PPP1R9A: variants seen among roughly 807,000 people sequenced by gnomAD.
PPP1R9A encodes the protein protein phosphatase 1 regulatory subunit 9A.
PPP1R9A carries 59 observed loss-of-function variants against 141.9 expected under a neutral mutation model. That is an observed-to-expected ratio of 0.42 (90% CI 0.34 to 0.52). PPP1R9A has a LOEUF of 0.52. Among genes scored for constraint, PPP1R9A ranks in the 20% least tolerant of loss-of-function variants. PPP1R9A has a pLI of 0.10. For missense variants in PPP1R9A, 1,444 were observed against 1,611.9 expected (o/e 0.90, Z 1.78); for synonymous variants, 500 against 569.7 (o/e 0.88, Z 1.74).
chr7:95,068,473 GAA>G (rs36043693), intron 2 of PPP1R9A, among the ~76,000 whole-genome samples: 7 of 94,214 alleles, frequency 7.4e-5, no homozygotes, highest in Admixed American at 1.5e-4. Flanking sequence ...CTTGTCTCAA[GAA>G]AAAAAAAAAA....
At chr7:95,031,926 AAATGCCTGAGGCAAAAC>A (rs1273565736) in intron 2 of PPP1R9A, among the ~76,000 whole-genome samples, 1 of 152,236 alleles carries the variant, frequency 6.6e-6, no homozygotes, top group Non-Finnish European at 1.5e-5. Flanking sequence ...CTCAGCTAGT[AAATGCCTGAGGCAAAAC>A]CTCGGATTTC....
rs1858912 is a variant in PPP1R9A at position 95,034,489 on chromosome 7, C to T, written c.1396-76770C>T. Among the ~76,000 whole-genome samples the T allele has an allele frequency of 5.1e-3, 775 of 152,188 alleles. 7 individuals are homozygous for T. Among genetic ancestry groups the T allele is most frequent in the African/African-American group, 0.017 (724 of 41,538 alleles). ...GTTCAGGTGATTCTCATGCCTCAGC[C>T]TCCCGAATAGCTGGAATTACAGCCA... On this transcript the variant is annotated intron_variant, in intron 2 of 19. Coordinates refer to ENST00000433360, the MANE Select transcript of PPP1R9A (RefSeq NM_001166160.2).
intron 16 of PPP1R9A, among the ~76,000 whole-genome samples, chr7:95,274,515 C>T (rs1802805255): frequency 6.6e-6 from 1 of 152,162 alleles, no homozygotes; most frequent in Non-Finnish European, 1.5e-5. Context: ...ACCCACAATG[C>T]TAGTGCATTG....
intron 8 of PPP1R9A, among the ~76,000 whole-genome samples, chr7:95,240,186 A>G (rs1797247986): frequency 6.7e-6 from 1 of 149,844 alleles, no homozygotes; most frequent in Admixed American, 6.7e-5. Context: ...AAAAAGTGGT[A>G]GGGCAAGTTT....
chr7:95,116,875 A>G (rs903363168), intron 3 of PPP1R9A, among the ~76,000 whole-genome samples: 2 of 152,352 alleles, frequency 1.3e-5, no homozygotes, highest in Middle Eastern at 3.4e-3. Context: ...AGAATTTAAT[A>G]TATGACACAC....
Position 95,065,706 on chromosome 7 carries a change from A to G in PPP1R9A, c.1396-45553A>G, listed in dbSNP as rs151171039. ...TAATTTGAGTGCACAGCTCGGTTGT[A>G]CTTTGTCTTGGGATGTGAAAAGCCA... On this transcript the variant is annotated intron_variant, in intron 2 of 19. Coordinates refer to ENST00000433360, the MANE Select transcript of PPP1R9A (RefSeq NM_001166160.2). 4.6e-3 allele frequency among the ~76,000 whole-genome samples: 695 copies of G among 152,278 alleles called. 2 individuals carry two copies. Among genetic ancestry groups the G allele is most frequent in the African/African-American group, 0.016 (669 of 41,558 alleles).
chr7:95,205,956 G>A (rs920840218), intron 7 of PPP1R9A, among the ~76,000 whole-genome samples: 1 of 152,044 alleles, frequency 6.6e-6, no homozygotes, highest in African/African-American at 2.4e-5. Context: ...TCTTCTTCAT[G>A]TAAAACCAGA....
intron 8 of PPP1R9A, among the ~76,000 whole-genome samples, chr7:95,229,849 T>G (rs894430274): frequency 6.6e-6 from 1 of 151,218 alleles, no homozygotes; most frequent in African/African-American, 2.4e-5. Flanking sequence ...CTGGCTGGAA[T>G]CCAACCAATA....
intron 8 of PPP1R9A, among the ~76,000 whole-genome samples, chr7:95,240,597 T>G (rs1797313164): frequency 2.0e-5 from 3 of 152,084 alleles, no homozygotes; most frequent in African/African-American, 7.2e-5. Context: ...CATGTATAGT[T>G]TACTGTCTTT....
chr7:95,285,455 GT>G (rs1224731201), intron 17 of PPP1R9A, among the ~76,000 whole-genome samples: 1 of 152,208 alleles, frequency 6.6e-6, no homozygotes, highest in Non-Finnish European at 1.5e-5. Flanking sequence ...GGTTAAAAAT[GT>G]TTTTACAAGT....
intron 2 of PPP1R9A, among the ~76,000 whole-genome samples, chr7:95,072,761 A>T (rs1295131674): frequency 9.5e-5 from 10 of 105,454 alleles, no homozygotes; most frequent in Admixed American, 1.4e-4. Context: ...TATTATATTA[A>T]ATATATATAT....
chr7:94,985,228 C>T (rs747995919), intron 2 of PPP1R9A, among the ~76,000 whole-genome samples: 1 of 152,062 alleles, frequency 6.6e-6, no homozygotes, highest in Non-Finnish European at 1.5e-5. Context: ...TTTACATTTG[C>T]TGAGGAGTGC....
rs1002690299 is a variant in PPP1R9A, at chr7:95,293,887, T to C, written c.*3584T>C. ...GTGTTAAAGGTTATGCAGACTAAACTTCAAGAGGAGATCCAGTGTTTAACA... is the reference window on the plus strand; with the variant it reads ...GTGTTAAAGGTTATGCAGACTAAACCTCAAGAGGAGATCCAGTGTTTAACA... On this transcript the variant is annotated 3_prime_UTR_variant, in exon 20 of 20. Transcript: ENST00000433360. The C allele has an allele frequency of 1.3e-5, 2 of 152,222 alleles. No homozygotes were observed. The highest frequency in any genetic ancestry group is 4.8e-5 in the African/African-American group (2 of 41,458). 9.4% of individuals were successfully genotyped at this position (152,222 alleles called of 1,614,324 possible). A position where few individuals can be genotyped will look rare whatever the true frequency, so the allele number is the denominator to read the frequency against.
intron 5 of PPP1R9A, among the ~76,000 whole-genome samples, chr7:95,194,131 G>A (rs959784223): frequency 6.6e-6 from 1 of 151,934 alleles, no homozygotes; most frequent in Non-Finnish European, 1.5e-5. Context: ...AAGATAAAAG[G>A]TCAATCTAGG....
rs539076931 is a variant in PPP1R9A at position 95,120,639 on chromosome 7, G to C, written c.1529-73G>C. The C allele has an allele frequency of 1.4e-5, 21 of 1,493,084 alleles. No individual in the cohort carries two copies. The East Asian group carries it at 3.2e-4, about 23-fold the overall frequency. 92.5% of individuals were successfully genotyped at this position (1,493,084 alleles called of 1,614,324 possible). On this transcript the variant is annotated intron_variant, in intron 3 of 19. Coordinates refer to ENST00000433360, the MANE Select transcript of PPP1R9A (RefSeq NM_001166160.2). Reference sequence around the variant, plus strand: ...AAATAAAATTAGAAACAGCAAGTAGGTCTCACCAGCTAATTGCAGACTAGT... The same window carrying C: ...AAATAAAATTAGAAACAGCAAGTAGCTCTCACCAGCTAATTGCAGACTAGT...
At chr7:94,922,125 A>T (rs1489815961) in intron 2 of PPP1R9A, among the ~76,000 whole-genome samples, 1 of 149,494 alleles carries the variant, frequency 6.7e-6, no homozygotes, top group African/African-American at 2.4e-5. Context: ...TTATTAAATT[A>T]TATTTAAATT....
rs567303862 is a variant in PPP1R9A, at chr7:95,081,944, C to T, written c.1396-29315C>T. 2.0e-3 allele frequency among the ~76,000 whole-genome samples: 302 copies of T among 152,242 alleles called. 2 individuals are homozygous for T. The highest frequency in any genetic ancestry group is 6.6e-3 in the African/African-American group (274 of 41,540). On this transcript the variant is annotated intron_variant, in intron 2 of 19. Coordinates refer to ENST00000433360, the MANE Select transcript of PPP1R9A (RefSeq NM_001166160.2). ...CCTTGAAACCAACAGCCTGAAATCA[C>T]GGTGAAAACCACCACCTTGGCAGCC...
chr7:95,024,577 C>G (rs1364365225), intron 2 of PPP1R9A, among the ~76,000 whole-genome samples: 1 of 151,864 alleles, frequency 6.6e-6, no homozygotes, highest in Non-Finnish European at 1.5e-5. Flanking sequence ...AGTCTGTTTT[C>G]TCTTAGAGTG....
intron 2 of PPP1R9A, among the ~76,000 whole-genome samples, chr7:94,923,363 C>A (rs990234556): frequency 1.1e-4 from 17 of 152,146 alleles, no homozygotes; most frequent in Non-Finnish European, 1.5e-4. Flanking sequence ...GAAACTTAAC[C>A]ATTTTCCCAT....
Sources: gnomAD v4.1 joint callset for allele counts (sites outside exome capture counted in the v4.1 genomes callset) on GRCh38, gnomAD v4.1.1 for gene constraint, MANE v1.5 for transcripts, NCBI Gene and HGNC (gene_info 2026-07-23, HGNC 2026-07-21) for gene names.